The following SYT10 variants were observed in gnomAD, a reference collection of about 807,000 sequenced individuals.
The protein encoded by SYT10 is synaptotagmin-10.
In SYT10, 31 loss-of-function variants were observed where a neutral mutation model predicts 51.1. The ratio of observed to expected loss-of-function variants is 0.61; its 90% CI spans 0.46 to 0.82. SYT10 has a LOEUF of 0.82. Ranked by LOEUF, SYT10 falls within the 40% of genes least tolerant of loss-of-function variation. SYT10 has a pLI of 0.00. For synonymous variants in SYT10, 233 were observed against 225.9 expected, an observed-to-expected ratio of 1.03 and a Z score of -0.28; for missense variants, 603 against 634.0, an observed-to-expected ratio of 0.95 and a Z score of 0.53.
chr12:33,409,506 T>C (rs1158567728), intron 2 of SYT10, among the ~76,000 whole-genome samples: 1 of 147,928 alleles, frequency 6.8e-6, no homozygotes, highest in Non-Finnish European at 1.5e-5. Context: ...CGTGAGAACA[T>C]TGATTTCTTT....
intron 3 of SYT10, among the ~76,000 whole-genome samples, chr12:33,387,994 G>A (rs139312605): frequency 1.8e-4 from 27 of 152,090 alleles, no homozygotes; most frequent in African/African-American, 6.0e-4. Context: ...TACCTGCCTC[G>A]GTCTCCCAAA....
chr12:33,435,055 C>A (rs1202823221), intron 1 of SYT10, among the ~76,000 whole-genome samples: 1 of 152,042 alleles, frequency 6.6e-6, no homozygotes, highest in African/African-American at 2.4e-5. Context: ...TTGTCTTCTG[C>A]CAGAATTTTG....
At chr12:33,376,949 C>G in intron 6 of SYT10, 48 bp from the exon 7 acceptor site, 1 of 1,587,470 alleles carries the variant, frequency 6.3e-7, no homozygotes, top group South Asian at 1.1e-5. Context: ...AGAAATAGAA[C>G]ACAGTGGTTA....
chr12:33,416,588 C>G (rs1301149853), intron 2 of SYT10, among the ~76,000 whole-genome samples: 1 of 152,120 alleles, frequency 6.6e-6, no homozygotes, highest in African/African-American at 2.4e-5. Context: ...TCTTCCAACC[C>G]TTTGGCCTCT....
intron 3 of SYT10, among the ~76,000 whole-genome samples, chr12:33,397,471 G>A (rs1486244405): frequency 1.3e-5 from 2 of 152,184 alleles, no homozygotes. Context: ...TTTTCTTGCA[G>A]GGGAAGAGAG....
intron 3 of SYT10, among the ~76,000 whole-genome samples, chr12:33,392,206 T>G (rs1866213689): frequency 6.6e-6 from 1 of 152,210 alleles, no homozygotes; most frequent in South Asian, 2.1e-4. Flanking sequence ...CACTAAAATT[T>G]CAGAATCAAA....
intron 3 of SYT10, among the ~76,000 whole-genome samples, chr12:33,397,432 C>T (rs1866265827): frequency 6.6e-6 from 1 of 152,152 alleles, no homozygotes; most frequent in Admixed American, 6.5e-5. Flanking sequence ...AAACTGTACC[C>T]TCAGATGAAG....
chr12:33,395,553 A>G (rs1866248894), intron 3 of SYT10, among the ~76,000 whole-genome samples: 1 of 152,216 alleles, frequency 6.6e-6, no homozygotes, highest in Non-Finnish European at 1.5e-5. Flanking sequence ...GACACAGCTG[A>G]TAGAATAATA....
chr12:33,430,662 G>T (rs1170688253), intron 1 of SYT10, among the ~76,000 whole-genome samples: 5 of 152,098 alleles, frequency 3.3e-5, no homozygotes, highest in African/African-American at 1.2e-4. Flanking sequence ...ACAAAAATGT[G>T]ATTTCCAATA....
intron 2 of SYT10, among the ~76,000 whole-genome samples, chr12:33,416,123 C>G (rs1401649481): frequency 1.6e-5 from 2 of 121,582 alleles, no homozygotes; most frequent in African/African-American, 3.1e-5. Context: ...CTCTGTCACC[C>G]AGGCTGGAGT....
chr12:33,416,830 TGC>T (rs1375036644), intron 2 of SYT10, among the ~76,000 whole-genome samples: 1 of 152,124 alleles, frequency 6.6e-6, no homozygotes, highest in Admixed American at 6.5e-5. Flanking sequence ...GAAATAATAA[TGC>T]AAGCATCAGA....
chr12:33,437,161 A>G (rs538824944), intron 1 of SYT10, among the ~76,000 whole-genome samples: 1 of 152,358 alleles, frequency 6.6e-6, no homozygotes, highest in African/African-American at 2.4e-5. Context: ...CGCAAATGAA[A>G]AACGTATAGC....
At chr12:33,415,168 T>A (rs909661767) in intron 2 of SYT10, among the ~76,000 whole-genome samples, 3 of 152,244 alleles carry the variant, frequency 2.0e-5, no homozygotes, top group African/African-American at 7.2e-5. Context: ...TTTAGGCACA[T>A]CACTTAACTT....
At chr12:33,411,397 G>A (rs1397349984) in intron 2 of SYT10, among the ~76,000 whole-genome samples, 4 of 152,034 alleles carry the variant, frequency 2.6e-5, no homozygotes, top group Admixed American at 2.0e-4. Context: ...TTGGAAGGGA[G>A]CACAAATGTT....
Position 33,439,646 on chromosome 12 carries a change from C to G in SYT10, c.-124G>C. On this transcript the variant is annotated 5_prime_UTR_variant, in exon 1 of 7. Coordinates refer to ENST00000228567, the MANE Select transcript of SYT10 (RefSeq NM_198992.4). ...CCGCGGTGACTTTGGCTGGAGATTGCGCCGCTGAGAGCCGGCAACTCTTAG... is the reference window on the plus strand; with the variant it reads ...CCGCGGTGACTTTGGCTGGAGATTGGGCCGCTGAGAGCCGGCAACTCTTAG... The G allele has an allele frequency of 3.2e-6, 4 of 1,231,268 alleles. No homozygotes were observed. The highest frequency in any genetic ancestry group is 3.0e-5 in the South Asian group (2 of 66,770). The allele number at this position is 1,231,268 out of a possible 1,614,324, so 76.3% of individuals were successfully genotyped here. A position where few individuals can be genotyped will look rare whatever the true frequency, so the allele number is the denominator to read the frequency against.
intron 3 of SYT10, among the ~76,000 whole-genome samples, chr12:33,389,483 T>C (rs1408663319): frequency 6.6e-6 from 1 of 152,042 alleles, no homozygotes; most frequent in African/African-American, 2.4e-5. Context: ...AAAATAATAT[T>C]TGAAAAAAAA....
At chr12:33,439,132 G>A (rs923802695) in intron 1 of SYT10, among the ~76,000 whole-genome samples, 1 of 152,260 alleles carries the variant, frequency 6.6e-6, no homozygotes, top group Non-Finnish European at 1.5e-5. Flanking sequence ...ACGGCGCCGG[G>A]AGGCGGGAAG....
Position 33,439,376 on chromosome 12 carries a change from G to C in SYT10, c.147C>G (p.Ser49Arg). Reference protein sequence around the residue: ...PRDRGSQGGSSTDISVSLLAV... With the variant: ...PRDRGSQGGSRTDISVSLLAV... Reference sequence around the variant, plus strand: ...GAGCGGAGCCCTCCCGGTTACCTGTGCTGCTTCCGCCCTGGCTGCCCCTGT... The same window carrying C: ...GAGCGGAGCCCTCCCGGTTACCTGTCCTGCTTCCGCCCTGGCTGCCCCTGT... The change falls in exon 1 of 7, where the codon AGC (serine) becomes AGG (arginine). Residue 49 changes from serine (S) to arginine (R), a missense_variant. Physicochemically the swap from Ser to Arg is moderately radical, Grantham distance 110. Transcript: ENST00000228567. 1 of 1,613,060 alleles carries C rather than the reference G, an allele frequency of 6.2e-7. No individual in the cohort carries two copies. The highest frequency in any genetic ancestry group is 1.3e-5 in the African/African-American group (1 of 75,000).
chr12:33,394,087 A>G (rs1047211113), intron 3 of SYT10, among the ~76,000 whole-genome samples: 3 of 152,318 alleles, frequency 2.0e-5, no homozygotes, highest in African/African-American at 4.8e-5. Context: ...ACTTGTTATG[A>G]TAACAGTGTG....
Sources: gnomAD v4.1 joint callset for allele counts (sites outside exome capture counted in the v4.1 genomes callset) on GRCh38, gnomAD v4.1.1 for gene constraint, MANE v1.5 for transcripts, NCBI Gene and HGNC (gene_info 2026-07-23, HGNC 2026-07-21) for gene names.